The following LEKR1 variants were observed in gnomAD, a reference collection of about 807,000 sequenced individuals.
LEKR1 encodes leucine, glutamate and lysine rich 1.
Under a neutral mutation model 72.4 loss-of-function variants are expected in LEKR1, and 59 were observed. The observed-to-expected ratio is 0.82, with a 90% CI of 0.66 to 1.01. LEKR1 has a LOEUF of 1.01. LEKR1 is among the 50% of genes least tolerant of loss of function. LEKR1 has a pLI of 0.00. For synonymous variants in LEKR1, 257 were observed against 263.2 expected, an observed-to-expected ratio of 0.98 and a Z score of 0.23; for missense variants, 728 against 759.2, an observed-to-expected ratio of 0.96 and a Z score of 0.48.
At chr3:157,024,110 G>A (rs533702751) in intron 10 of LEKR1, among the ~76,000 whole-genome samples, 14 of 152,190 alleles carry the variant, frequency 9.2e-5, no homozygotes, top group African/African-American at 1.4e-4. Flanking sequence ...TCATATCAAC[G>A]GCCCAGGAAA....
intron 5 of LEKR1, among the ~76,000 whole-genome samples, chr3:156,940,891 T>C (rs1241598241): frequency 6.6e-6 from 1 of 152,182 alleles, no homozygotes; most frequent in Non-Finnish European, 1.5e-5. Context: ...TGTGTGGTGC[T>C]GTGCAGTGTC....
At chr3:157,003,615 C>G (rs993616297) in intron 9 of LEKR1, among the ~76,000 whole-genome samples, 1 of 152,152 alleles carries the variant, frequency 6.6e-6, no homozygotes, top group African/African-American at 2.4e-5. Context: ...AACCTTCCCC[C>G]ACACTAACCC....
intron 3 of LEKR1, among the ~76,000 whole-genome samples, chr3:156,871,571 C>T (rs939294913): frequency 2.0e-5 from 3 of 152,176 alleles, no homozygotes; most frequent in Non-Finnish European, 4.4e-5. Context: ...ACAGTCCCAC[C>T]AACAGTGTAA....
intron 9 of LEKR1, among the ~76,000 whole-genome samples, chr3:157,007,276 T>C (rs1249014772): frequency 6.6e-6 from 1 of 151,970 alleles, no homozygotes; most frequent in African/African-American, 2.4e-5. Flanking sequence ...CTACAGACCA[T>C]AAGGAAGTTG....
chr3:157,032,837 T>C (rs957514818), intron 12 of LEKR1, among the ~76,000 whole-genome samples: 5 of 151,986 alleles, frequency 3.3e-5, no homozygotes, highest in Non-Finnish European at 7.4e-5. Flanking sequence ...AAATTGAAGG[T>C]TTGTGGCAAC....
At chr3:157,017,997 A>G (rs1408456799) in intron 10 of LEKR1, among the ~76,000 whole-genome samples, 3 of 151,644 alleles carry the variant, frequency 2.0e-5, no homozygotes, top group African/African-American at 7.3e-5. Context: ...CTATATTACT[A>G]TCAACAAAGT....
intron 7 of LEKR1, 100 bp downstream of exon 7, chr3:156,979,375 G>C (rs368109396): frequency 2.2e-5 from 11 of 494,508 alleles, no homozygotes; most frequent in African/African-American, 8.0e-5. Context: ...AAAGACCCTG[G>C]TGTGTTCTCT....
At chr3:156,999,532 G>A (rs1008569894) in intron 9 of LEKR1, among the ~76,000 whole-genome samples, 1 of 152,116 alleles carries the variant, frequency 6.6e-6, no homozygotes, top group Admixed American at 6.5e-5. Context: ...ACGGCACCCT[G>A]TGCACAATGC....
chr3:157,008,527 A>C (rs1166763107), intron 9 of LEKR1, among the ~76,000 whole-genome samples: 2 of 152,162 alleles, frequency 1.3e-5, no homozygotes, highest in African/African-American at 4.8e-5. Context: ...TTATCTTTGA[A>C]GTTTTCTTTT....
chr3:156,936,203 T>C (rs1478226210), intron 5 of LEKR1, among the ~76,000 whole-genome samples: 5 of 151,808 alleles, frequency 3.3e-5, no homozygotes, highest in Admixed American at 3.3e-4. Context: ...TCCTTGATAG[T>C]GTTGCCCTTT....
At chr3:156,830,475 C>T (rs1712230320) in intron 2 of LEKR1, among the ~76,000 whole-genome samples, 1 of 152,142 alleles carries the variant, frequency 6.6e-6, no homozygotes, top group African/African-American at 2.4e-5. Context: ...TGGTTGCCCA[C>T]TATTTCAAGA....
rs146994820 is a variant in LEKR1, at chr3:157,028,134, A to G, written c.1400A>G (p.Asp467Gly). Residue 467 changes from aspartate to glycine, a missense_variant, in exon 12 of 13, where the codon GAT becomes GGT. Asp to Gly is a moderately conservative substitution (Grantham distance 94). Transcript: ENST00000356539. Reference protein sequence around the residue: ...ISDLITGATRDLRQEVTTLKE... With the variant: ...ISDLITGATRGLRQEVTTLKE... ...GACTTAATCACAGGCGCTACAAGAGATCTAAGGCAGGAAGTGACCACTCTT... is the reference window on the plus strand; with the variant it reads ...GACTTAATCACAGGCGCTACAAGAGGTCTAAGGCAGGAAGTGACCACTCTT... The G allele has an allele frequency of 1.2e-6, 2 of 1,602,526 alleles. No individual in the cohort carries two copies. Among genetic ancestry groups the G allele is most frequent in the African/African-American group, 2.7e-5 (2 of 74,224 alleles).
chr3:156,899,723 T>C (rs36155501), intron 3 of LEKR1, among the ~76,000 whole-genome samples: 1,201 of 107,468 alleles, frequency 0.011, 64 homozygotes, highest in East Asian at 0.025. Context: ...CATATATACA[T>C]GCATATATAC....
intron 2 of LEKR1, among the ~76,000 whole-genome samples, chr3:156,849,404 C>A (rs1715049968): frequency 6.6e-6 from 1 of 152,140 alleles, no homozygotes; most frequent in Non-Finnish European, 1.5e-5. Flanking sequence ...TTGGAAAAAA[C>A]TACTTTAAAG....
intron 6 of LEKR1, among the ~76,000 whole-genome samples, chr3:156,958,708 G>A (rs1352930143): frequency 2.6e-5 from 4 of 152,026 alleles, no homozygotes; most frequent in African/African-American, 7.2e-5. Context: ...GCCAGCCAAC[G>A]GGCCTTCTCT....
chr3:156,976,067 T>C (rs962251267), intron 6 of LEKR1, among the ~76,000 whole-genome samples: 2 of 152,182 alleles, frequency 1.3e-5, no homozygotes, highest in Non-Finnish European at 2.9e-5. Context: ...TAATGGTGTT[T>C]CTTTATTTAT....
chr3:156,995,433 T>C (rs1286858958), intron 9 of LEKR1, among the ~76,000 whole-genome samples: 4 of 152,236 alleles, frequency 2.6e-5, no homozygotes, highest in Non-Finnish European at 4.4e-5. Context: ...TCTTGTATTA[T>C]TGCCCTTGTA....
At chr3:156,953,237 C>T (rs1727324719) in intron 6 of LEKR1, among the ~76,000 whole-genome samples, 7 of 151,314 alleles carry the variant, frequency 4.6e-5, no homozygotes, top group Admixed American at 4.0e-4. Flanking sequence ...AGAGCATTCT[C>T]ATATATCACT....
At chr3:156,868,380 A>G (rs180739884) in intron 3 of LEKR1, among the ~76,000 whole-genome samples, 21 of 152,152 alleles carry the variant, frequency 1.4e-4, no homozygotes, top group Admixed American at 5.9e-4. Flanking sequence ...TGTCACCTAT[A>G]TATGATTACT....
Sources: gnomAD v4.1 joint callset for allele counts (sites outside exome capture counted in the v4.1 genomes callset) on GRCh38, gnomAD v4.1.1 for gene constraint, MANE v1.5 for transcripts, NCBI Gene and HGNC (gene_info 2026-07-23, HGNC 2026-07-21) for gene names.